Variants in MYO10 observed in about 807,000 individuals in gnomAD.
MYO10 encodes unconventional myosin-X.
Under a neutral mutation model 257.3 loss-of-function variants are expected in MYO10, and 133 were observed. The observed-to-expected ratio is 0.52, with a 90% CI of 0.45 to 0.60. The LOEUF is 0.60. Among genes scored for constraint, MYO10 ranks in the 20% least tolerant of loss-of-function variants. MYO10 has a pLI of 0.00. For missense variants in MYO10, 2,399 were observed against 2,635.7 expected (o/e 0.91, Z 1.97); for synonymous variants, 1,104 against 1,028.6 (o/e 1.07, Z -1.40).
At position 16,794,593 on chromosome 5, in the gene MYO10, G is replaced by A. The variant is rs1209514119; in HGVS notation, c.467+53C>T. Reference sequence around the variant, plus strand: ...CTAAGGAGGCTGGGGTTGGGGGTGCGCGGAGGGACTCCTGGGCCATGGGAA... The same window carrying A: ...CTAAGGAGGCTGGGGTTGGGGGTGCACGGAGGGACTCCTGGGCCATGGGAA... On this transcript the variant is annotated intron_variant, in intron 4 of 40. Transcript: ENST00000513610. 24 of 1,508,966 alleles carry A rather than the reference G, an allele frequency of 1.6e-5. No homozygotes were observed. The East Asian group carries it at 2.7e-4, about 17-fold the overall frequency. The allele number at this position is 1,508,966 out of a possible 1,614,324, so 93.5% of individuals were successfully genotyped here. A position where few individuals can be genotyped will look rare whatever the true frequency, so the allele number is the denominator to read the frequency against.
intron 3 of MYO10, among the ~76,000 whole-genome samples, chr5:16,807,230 A>G (rs557656788): frequency 6.6e-6 from 1 of 152,174 alleles, no homozygotes; most frequent in Admixed American, 6.5e-5. Flanking sequence ...TTACAGATCC[A>G]TATGTTCAGT....
intron 2 of MYO10, among the ~76,000 whole-genome samples, chr5:16,820,748 G>T (rs1254368767): frequency 6.6e-6 from 1 of 151,848 alleles, no homozygotes; most frequent in African/African-American, 2.4e-5. Context: ...TACATATTCT[G>T]CTTTCTGGAA....
chr5:16,886,399 G>A (rs1007424652), intron 1 of MYO10, among the ~76,000 whole-genome samples: 4 of 152,124 alleles, frequency 2.6e-5, no homozygotes, highest in Admixed American at 6.6e-5. Flanking sequence ...CAACTGTCCC[G>A]TGCCCATCAG....
chr5:16,798,840 A>T (rs1560990892), intron 3 of MYO10, among the ~76,000 whole-genome samples: 1 of 152,128 alleles, frequency 6.6e-6, no homozygotes, highest in Non-Finnish European at 1.5e-5. Context: ...ACTGCCAACC[A>T]TCAACACGGC....
intron 1 of MYO10, among the ~76,000 whole-genome samples, chr5:16,893,617 G>C (rs1286818328): frequency 7.0e-6 from 1 of 142,046 alleles, no homozygotes; most frequent in Non-Finnish European, 1.5e-5. Flanking sequence ...CTGGGTGAGG[G>C]AGTGAGACTC....
chr5:16,705,115 G>A (rs1738272447), intron 21 of MYO10, among the ~76,000 whole-genome samples: 1 of 152,186 alleles, frequency 6.6e-6, no homozygotes, highest in Admixed American at 6.5e-5. Context: ...GAGGAAGGAA[G>A]GGAAGCCAAG....
At chr5:16,772,550 A>G (rs1741086608) in intron 9 of MYO10, among the ~76,000 whole-genome samples, 1 of 152,250 alleles carries the variant, frequency 6.6e-6, no homozygotes, top group Non-Finnish European at 1.5e-5. Flanking sequence ...TTTAAAATGC[A>G]GTCTGGGAAG....
At chr5:16,926,082 C>G (rs2650457) in intron 1 of MYO10, among the ~76,000 whole-genome samples, 68,445 of 151,974 alleles carry the variant, frequency 0.45, 15,755 homozygotes, top group African/African-American at 0.53. Flanking sequence ...TAATGGATAT[C>G]CCAATGACCC....
chr5:16,739,516 G>A (rs1739936855), intron 19 of MYO10, among the ~76,000 whole-genome samples: 1 of 152,066 alleles, frequency 6.6e-6, no homozygotes, highest in Admixed American at 6.5e-5. Flanking sequence ...TGCATATTCT[G>A]ATTGGCAAAT....
intron 4 of MYO10, among the ~76,000 whole-genome samples, 197 bp downstream of exon 4, chr5:16,794,449 T>C (rs147384904): frequency 9.3e-5 from 14 of 150,338 alleles, no homozygotes; most frequent in Non-Finnish European, 2.9e-5. Flanking sequence ...CCAAGCAACA[T>C]GGTCCATCTG....
intron 16 of MYO10, 95 bp downstream of exon 16, chr5:16,761,949 GC>G: frequency 7.8e-7 from 1 of 1,280,840 alleles, no homozygotes; most frequent in Non-Finnish European, 1.1e-6. Context: ...GAGCCACCAT[GC>G]CCAGCCCAAT....
intron 27 of MYO10, 151 bp downstream of exon 27, chr5:16,694,220 A>C: frequency 8.3e-7 from 1 of 1,203,456 alleles, no homozygotes; most frequent in Non-Finnish European, 1.2e-6. Context: ...CTTGCTTCCC[A>C]GTTTCCTAGT....
At chr5:16,877,873 G>C (rs1199421390) in intron 1 of MYO10, among the ~76,000 whole-genome samples, 166 bp from the exon 2 acceptor site, 1 of 152,094 alleles carries the variant, frequency 6.6e-6, no homozygotes, top group African/African-American at 2.4e-5. Context: ...TCATCCACAG[G>C]CTTTACTATC....
chr5:16,863,994 A>C (rs1462523803), intron 2 of MYO10, among the ~76,000 whole-genome samples: 1 of 152,170 alleles, frequency 6.6e-6, no homozygotes, highest in African/African-American at 2.4e-5. Context: ...GCTACTTGGC[A>C]GACTGAGGTG....
intron 40 of MYO10, among the ~76,000 whole-genome samples, chr5:16,667,444 C>A (rs1415451238): frequency 1.3e-5 from 2 of 152,158 alleles, no homozygotes; most frequent in Non-Finnish European, 2.9e-5. Flanking sequence ...CCCTTCCAGT[C>A]CCACCCCAGA....
At chr5:16,788,193 G>A (rs1741648473) in intron 4 of MYO10, among the ~76,000 whole-genome samples, 1 of 152,122 alleles carries the variant, frequency 6.6e-6, no homozygotes, top group Non-Finnish European at 1.5e-5. Context: ...GGGGGCAGCA[G>A]AGATGAAGTG....
chr5:16,797,975 T>G (rs772289195), intron 3 of MYO10, among the ~76,000 whole-genome samples: 9 of 152,270 alleles, frequency 5.9e-5, no homozygotes, highest in Non-Finnish European at 1.2e-4. Flanking sequence ...GGCTCTGCTC[T>G]CATAATGGAT....
chr5:16,702,597 A>G lies in MYO10; in HGVS notation c.2511-9T>C, dbSNP rs753128743. 1 of 1,572,502 alleles carries G rather than the reference A, an allele frequency of 6.4e-7. No individual in the cohort carries two copies. The highest frequency in any genetic ancestry group is 1.9e-5 in the Admixed American group (1 of 53,466). ...GCTCTCTCTCTCTTTCTCTAAAAAT[A>G]GTAAAGGAAAAGTGAAAATCAACAA... is the stretch of plus-strand genomic sequence containing the variant. On this transcript the variant is annotated splice_polypyrimidine_tract_variant and intron_variant, in intron 23 of 40. Coordinates refer to ENST00000513610, the MANE Select transcript of MYO10 (RefSeq NM_012334.3).
At chr5:16,894,047 C>A (rs936052325) in intron 1 of MYO10, among the ~76,000 whole-genome samples, 3 of 152,142 alleles carry the variant, frequency 2.0e-5, no homozygotes, top group African/African-American at 4.8e-5. Flanking sequence ...AGACAAGTTG[C>A]AAAGATAATA....
Sources: gnomAD v4.1 joint callset for allele counts (sites outside exome capture counted in the v4.1 genomes callset) on GRCh38, gnomAD v4.1.1 for gene constraint, MANE v1.5 for transcripts, NCBI Gene and HGNC (gene_info 2026-07-23, HGNC 2026-07-21) for gene names.